The following PCDH10 variants were observed in gnomAD, a reference collection of about 807,000 sequenced individuals.
PCDH10 encodes the protein protocadherin 10.
Under a neutral mutation model 74.4 loss-of-function variants are expected in PCDH10, and 15 were observed. The observed-to-expected ratio is 0.20, with a 90% CI of 0.13 to 0.31. PCDH10 has a LOEUF of 0.31. PCDH10 is among the 10% of genes least tolerant of loss of function. The pLI, the probability that PCDH10 is intolerant of heterozygous loss-of-function variation, is 1.00. For synonymous variants in PCDH10, 619 were observed against 589.8 expected (o/e 1.05, Z -0.72); for missense variants, 1,260 against 1,390.2 (o/e 0.91, Z 1.49).
intron 4 of PCDH10, among the ~76,000 whole-genome samples, chr4:133,186,403 C>T (rs1325160643): frequency 6.6e-6 from 1 of 152,044 alleles, no homozygotes; most frequent in Non-Finnish European, 1.5e-5. Flanking sequence ...GACCAATTCC[C>T]TACATGCTGA....
intron 4 of PCDH10, among the ~76,000 whole-genome samples, chr4:133,182,121 A>G (rs186732231): frequency 8.1e-4 from 123 of 152,162 alleles, no homozygotes; most frequent in African/African-American, 2.9e-3. Flanking sequence ...GCACATCACA[A>G]GTAGCTGGAG....
At chr4:133,163,553 A>C (rs186650744) in intron 4 of PCDH10, among the ~76,000 whole-genome samples, 45 of 152,254 alleles carry the variant, frequency 3.0e-4, no homozygotes, top group Admixed American at 5.9e-4. Flanking sequence ...CAAACAATAA[A>C]AATGCTTTGA....
Position 133,151,031 on chromosome 4 carries a change from G to A in PCDH10, c.891G>A (p.Ala297=), listed in dbSNP as rs1245308353. The change falls in exon 1 of 5, where the codon GCG becomes GCA. Residue 297 remains alanine, a synonymous_variant. Transcript: ENST00000264360. ...TCAGCAGCCACATTTCGCCCCGGGCGCGGGAGCTTTTCGGACTCTCGCCGC... is the reference window on the plus strand; with the variant it reads ...TCAGCAGCCACATTTCGCCCCGGGCACGGGAGCTTTTCGGACTCTCGCCGC... ...YSFSSHISPR[A]RELFGLSPRT... 3.7e-6 allele frequency: 6 copies of A among 1,613,896 alleles called. No homozygotes were observed. The highest frequency in any genetic ancestry group is 1.1e-5 in the South Asian group (1 of 91,086).
At chr4:133,205,551 C>T (rs2125878950) in intron 2 of PCDH10, among the ~76,000 whole-genome samples, 1 of 152,174 alleles carries the variant, frequency 6.6e-6, no homozygotes, top group East Asian at 1.9e-4. Context: ...TCTTCAAATC[C>T]AAGCCTTTCA....
chr4:133,207,292 T>G (rs547499879), intron 2 of PCDH10, among the ~76,000 whole-genome samples: 1 of 152,284 alleles, frequency 6.6e-6, no homozygotes, highest in Non-Finnish European at 1.5e-5. Context: ...TACTCTATTT[T>G]GAATAGTGGC....
chr4:133,175,061 C>T (rs1203206160), intron 4 of PCDH10, among the ~76,000 whole-genome samples: 1 of 151,218 alleles, frequency 6.6e-6, no homozygotes, highest in Admixed American at 6.6e-5. Flanking sequence ...AAAAAGTGTG[C>T]TTATATATCC....
At chr4:133,188,631 C>CAT (rs1727590459) in intron 4 of PCDH10, among the ~76,000 whole-genome samples, 1 of 136,984 alleles carries the variant, frequency 7.3e-6, no homozygotes, top group Non-Finnish European at 1.6e-5. Context: ...TTTTCACTTT[C>CAT]ATTTCTGTTG....
chr4:133,177,270 T>C (rs1283217144), intron 4 of PCDH10, among the ~76,000 whole-genome samples: 1 of 152,150 alleles, frequency 6.6e-6, no homozygotes, highest in African/African-American at 2.4e-5. Flanking sequence ...GCCTCCTTTG[T>C]TCTTCACTAA....
chr4:133,196,890 C>T (rs1727806396), downstream of PCDH10, among the ~76,000 whole-genome samples: 1 of 152,164 alleles, frequency 6.6e-6, no homozygotes, highest in African/African-American at 2.4e-5. Flanking sequence ...CAACATTTAA[C>T]CACTGATCTT....
At position 133,150,305 on chromosome 4, in the gene PCDH10, G is replaced by A. The variant is rs753855811; in HGVS notation, c.165G>A (p.Thr55=). ...AACTTTCGGCTCGCGGGTTTCAGAC[G>A]GTGCCCAACTCAAGGACCCCTTACT... ...ITKLSARGFQ[T]VPNSRTPYLD... The change falls in exon 1 of 5, where the codon ACG becomes ACA. Residue 55 remains threonine (T), a synonymous_variant. Coordinates refer to ENST00000264360, the MANE Select transcript of PCDH10 (RefSeq NM_032961.3). 59 of 1,613,674 alleles carry A rather than the reference G, an allele frequency of 3.7e-5. No individual in the cohort carries two copies. Among genetic ancestry groups the A allele is most frequent in the Non-Finnish European group, 1.3e-5 (15 of 1,179,938 alleles).
downstream of PCDH10, among the ~76,000 whole-genome samples, chr4:133,198,086 T>A (rs1727829679): frequency 6.6e-6 from 1 of 151,874 alleles, no homozygotes; most frequent in Admixed American, 6.6e-5. Context: ...ACATCTGCAT[T>A]TTGATCCCCT....
intron 1 of PCDH10, chr4:133,153,075 A>G: frequency 3.7e-6 from 5 of 1,353,326 alleles, no homozygotes; most frequent in Non-Finnish European, 4.8e-6. Flanking sequence ...CTGGGCATGA[A>G]GGGAAACTGC....
chr4:133,176,516 T>G (rs1015375395), intron 4 of PCDH10, among the ~76,000 whole-genome samples: 1 of 152,174 alleles, frequency 6.6e-6, no homozygotes, highest in Non-Finnish European at 1.5e-5. Context: ...ATTACAATTC[T>G]GGGCTTAAAT....
chr4:133,203,637 C>A (rs954532631), intron 2 of PCDH10, among the ~76,000 whole-genome samples: 23 of 152,338 alleles, frequency 1.5e-4, no homozygotes, highest in Admixed American at 1.4e-3. Context: ...TATAGGCATG[C>A]AGCCTTCCTC....
chr4:133,158,346 A>G (rs901515385), intron 3 of PCDH10, among the ~76,000 whole-genome samples: 1 of 152,112 alleles, frequency 6.6e-6, no homozygotes, highest in African/African-American at 2.4e-5. Flanking sequence ...TACATTGTCA[A>G]TAATGCTAAG....
intron 4 of PCDH10, among the ~76,000 whole-genome samples, chr4:133,179,811 T>A (rs2125869695): frequency 6.6e-6 from 1 of 152,232 alleles, no homozygotes; most frequent in Admixed American, 6.6e-5. Flanking sequence ...AAGTAGACGC[T>A]CATAAATGCT....
chr4:133,152,548 C>G lies in PCDH10; in HGVS notation c.2408C>G (p.Pro803Arg), dbSNP rs915272132. Residue 803 changes from proline to arginine, a missense_variant, in exon 1 of 5, where the codon CCG becomes CGG. Physicochemically the swap from Pro to Arg is moderately radical, Grantham distance 103 (BLOSUM62 -2). Transcript: ENST00000264360. The stretch of plus-strand genomic sequence containing the variant: ...GTACCCAGTAACCCGGCCCAGGTGC[C>G]GATAGAGGAGTCCGGGGGCTTTGGC... Reference protein sequence around the residue: ...SNVPSNPAQVPIEESGGFGSH... With the variant: ...SNVPSNPAQVRIEESGGFGSH... 2 of 1,614,022 alleles carry G rather than the reference C, an allele frequency of 1.2e-6. No individual in the cohort carries two copies. The highest frequency in any genetic ancestry group is 1.7e-6 in the Non-Finnish European group (2 of 1,180,044).
In PCDH10 at chr4:133,161,491, T is replaced by C. The variant is rs551348716; in HGVS notation, c.2798-1486T>C. On this transcript the variant is annotated intron_variant, in intron 3 of 4. Transcript: ENST00000264360. Reference sequence around the variant, plus strand: ...TATGCAGATAACATATACACAAATATATATAAATCAATATGTAACAGAATA... The same window carrying C: ...TATGCAGATAACATATACACAAATACATATAAATCAATATGTAACAGAATA... Among the ~76,000 whole-genome samples the C allele has an allele frequency of 6.6e-5, 10 of 152,090 alleles. No homozygotes were observed. The South Asian group carries it at 2.1e-3, about 32-fold the overall frequency.
chr4:133,156,909 T>A (rs1033284760), intron 3 of PCDH10, among the ~76,000 whole-genome samples: 4 of 152,218 alleles, frequency 2.6e-5, no homozygotes, highest in African/African-American at 9.6e-5. Context: ...TATTTCACAG[T>A]CACTCAGTGT....
Sources: allele counts gnomAD v4.1 joint callset (sites outside exome capture counted in the v4.1 genomes callset), GRCh38; gene constraint gnomAD v4.1.1; transcripts MANE v1.5; gene names NCBI Gene and HGNC (gene_info 2026-07-23, HGNC 2026-07-21).